Variants in PDGFD observed in about 807,000 individuals in gnomAD.
PDGFD encodes platelet derived growth factor D.
Under a neutral mutation model 44.7 loss-of-function variants are expected in PDGFD, and 30 were observed. That is an observed-to-expected ratio of 0.67 (90% CI 0.50 to 0.91). PDGFD has a LOEUF of 0.91. Among genes scored for constraint, PDGFD ranks in the 40% least tolerant of loss-of-function variants. The pLI is 0.00. For synonymous variants in PDGFD, 173 were observed against 168.4 expected, an observed-to-expected ratio of 1.03 and a Z score of -0.21; for missense variants, 445 against 457.8, an observed-to-expected ratio of 0.97 and a Z score of 0.25.
At chr11:104,005,102 C>T (rs1049780407) in intron 1 of PDGFD, among the ~76,000 whole-genome samples, 6 of 152,182 alleles carry the variant, frequency 3.9e-5, no homozygotes, top group South Asian at 2.1e-4. Flanking sequence ...TGGTCTTGAA[C>T]GCCTGACCTC....
In PDGFD at chr11:104,047,699, GT is replaced by G. The variant is rs904763571; in HGVS notation, c.125-47445del. Among the ~76,000 whole-genome samples the G allele has an allele frequency of 5.5e-4, 69 of 124,338 alleles. 7 individuals are homozygous for G. The highest frequency in any genetic ancestry group is 1.9e-3 in the African/African-American group (67 of 35,928). The allele number at this position is 124,338 out of a possible 152,430, so 81.6% of individuals were successfully genotyped here. The stretch of plus-strand genomic sequence containing the variant: ...TGAAAAAATTATAAACATATTTTAG[GT>G]TGTGGCAATTGTGGAAGTTTCAAAT... On this transcript the variant is annotated intron_variant, in intron 1 of 6. Transcript: ENST00000393158.
chr11:104,070,473 G>A (rs1860857643), intron 1 of PDGFD, among the ~76,000 whole-genome samples: 1 of 152,100 alleles, frequency 6.6e-6, no homozygotes, highest in African/African-American at 2.4e-5. Flanking sequence ...ATCACATAAA[G>A]AATAGTTTCA....
At chr11:104,103,600 C>G (rs1861430012) in intron 1 of PDGFD, among the ~76,000 whole-genome samples, 1 of 151,162 alleles carries the variant, frequency 6.6e-6, no homozygotes, top group East Asian at 1.9e-4. Context: ...ACCATTTGGT[C>G]AAGGATGGAT....
intron 1 of PDGFD, among the ~76,000 whole-genome samples, chr11:104,122,923 G>A (rs928585522): frequency 6.6e-5 from 10 of 151,976 alleles, no homozygotes; most frequent in African/African-American, 2.4e-4. Flanking sequence ...CTAGGTCCTA[G>A]ACATGTAAGG....
At chr11:104,078,359 A>C (rs907719925) in intron 1 of PDGFD, among the ~76,000 whole-genome samples, 10 of 152,152 alleles carry the variant, frequency 6.6e-5, no homozygotes, top group Non-Finnish European at 1.3e-4. Flanking sequence ...TACACCCATC[A>C]ACACTATGTC....
intron 5 of PDGFD, among the ~76,000 whole-genome samples, chr11:103,936,733 T>C (rs1233497955): frequency 6.6e-6 from 1 of 152,172 alleles, no homozygotes; most frequent in Non-Finnish European, 1.5e-5. Context: ...TCTGTAAAAA[T>C]CACATATTTC....
rs552210459 is a variant in PDGFD at position 103,924,762 on chromosome 11, T to C, written c.987+2150A>G. 5.9e-5 allele frequency among the ~76,000 whole-genome samples: 9 copies of C among 152,310 alleles called. No individual in the cohort carries two copies. The East Asian group carries it at 1.7e-3, about 29-fold the overall frequency. ...CCTCCAAAAAACAGTTTTACAAAGC[T>C]GGAGATTTTGTTTAGAGAGAACTAC... On this transcript the variant is annotated intron_variant, in intron 6 of 6. Transcript: ENST00000393158.
At chr11:103,937,164 G>A (rs1320353362) in intron 5 of PDGFD, among the ~76,000 whole-genome samples, 1 of 151,984 alleles carries the variant, frequency 6.6e-6, no homozygotes, top group African/African-American at 2.4e-5. Flanking sequence ...TTGAATTTTA[G>A]CATGTGTATC....
chr11:103,981,605 T>C (rs1234788738), intron 3 of PDGFD, among the ~76,000 whole-genome samples: 1 of 151,862 alleles, frequency 6.6e-6, no homozygotes, highest in Non-Finnish European at 1.5e-5. Flanking sequence ...ATTGACACTC[T>C]AGATCTCATA....
rs150183090 is a variant in PDGFD at position 104,005,932 on chromosome 11, C to T, written c.125-5677G>A. Among the ~76,000 whole-genome samples the T allele has an allele frequency of 4.5e-3, 686 of 152,270 alleles. 5 individuals are homozygous for T. Among genetic ancestry groups the T allele is most frequent in the African/African-American group, 0.016 (646 of 41,548 alleles). On this transcript the variant is annotated intron_variant, in intron 1 of 6. Transcript: ENST00000393158. ...CATAGTTTTATTTTGCATTTTAACA[C>T]AGAAAGATGTTCACATCCTCATAAA...
At chr11:103,938,869 A>T (rs1858535332) in intron 5 of PDGFD, among the ~76,000 whole-genome samples, 1 of 152,080 alleles carries the variant, frequency 6.6e-6, no homozygotes, top group African/African-American at 2.4e-5. Context: ...AGTTGTAGAT[A>T]TGCGGCATTA....
At chr11:103,967,361 T>C (rs1565297806) in intron 3 of PDGFD, among the ~76,000 whole-genome samples, 1 of 152,204 alleles carries the variant, frequency 6.6e-6, no homozygotes, top group Non-Finnish European at 1.5e-5. Context: ...TGCAGCCCTT[T>C]GAATCTTTGA....
At chr11:104,034,293 G>A (rs903247720) in intron 1 of PDGFD, among the ~76,000 whole-genome samples, 15 of 144,540 alleles carry the variant, frequency 1.0e-4, no homozygotes, top group South Asian at 2.3e-4. Context: ...CATTATTCAC[G>A]TCTGTTTCCC....
chr11:103,963,016 C>T (rs1192202951), intron 3 of PDGFD, among the ~76,000 whole-genome samples: 1 of 151,984 alleles, frequency 6.6e-6, no homozygotes, highest in East Asian at 1.9e-4. Context: ...GATCTTGTAC[C>T]AATTACTTAA....
chr11:104,112,048 G>T (rs920575120), intron 1 of PDGFD, among the ~76,000 whole-genome samples: 10 of 152,052 alleles, frequency 6.6e-5, no homozygotes, highest in Admixed American at 1.3e-4. Context: ...AGACAATTTT[G>T]TCACTTGCAT....
chr11:103,923,331 G>T (rs1019968835), intron 6 of PDGFD, among the ~76,000 whole-genome samples: 2 of 152,056 alleles, frequency 1.3e-5, no homozygotes, highest in South Asian at 4.2e-4. Context: ...AGTGAAAACC[G>T]CTCAAAACCC....
intron 1 of PDGFD, among the ~76,000 whole-genome samples, chr11:104,161,748 C>T (rs945072621): frequency 7.2e-5 from 11 of 152,156 alleles, no homozygotes; most frequent in African/African-American, 2.4e-4. Flanking sequence ...AATATTGCCC[C>T]ACTTGAAGAA....
At chr11:104,139,517 T>C (rs922813293) in intron 1 of PDGFD, among the ~76,000 whole-genome samples, 36 of 152,270 alleles carry the variant, frequency 2.4e-4, no homozygotes, top group Admixed American at 4.6e-4. Flanking sequence ...AACAATCCGA[T>C]CACAAACACT....
At chr11:104,119,889 CATA>C (rs35431680) in intron 1 of PDGFD, among the ~76,000 whole-genome samples, 44,601 of 116,854 alleles carry the variant, frequency 0.38, 8,398 homozygotes, top group South Asian at 0.52. Context: ...TTATATAGTA[CATA>C]ATTATATAAT....
Sources: allele counts gnomAD v4.1 joint callset (sites outside exome capture counted in the v4.1 genomes callset), GRCh38; gene constraint gnomAD v4.1.1; transcripts MANE v1.5; gene names NCBI Gene and HGNC (gene_info 2026-07-23, HGNC 2026-07-21).